NPHP4: variants seen among roughly 807,000 people sequenced by gnomAD.
The protein encoded by NPHP4 is nephrocystin 4.
NPHP4 carries 151 observed loss-of-function variants against 155.8 expected under a neutral mutation model. The observed-to-expected ratio is 0.97, with a 90% CI of 0.85 to 1.11. The LOEUF (loss-of-function observed/expected upper bound fraction) is 1.11. NPHP4 is among the 50% of genes least tolerant of loss of function. NPHP4 has a pLI of 0.00. For synonymous variants in NPHP4, 845 were observed against 816.8 expected, an observed-to-expected ratio of 1.03 and a Z score of -0.59; for missense variants, 1,956 against 1,925.7, an observed-to-expected ratio of 1.02 and a Z score of -0.29.
chr1:5,899,191 A>AC (rs1269875977), intron 16 of NPHP4, among the ~76,000 whole-genome samples: 3 of 152,144 alleles, frequency 2.0e-5, no homozygotes, highest in Non-Finnish European at 4.4e-5. Context: ...CATATCTCTA[A>AC]CACAACGGCC....
intron 10 of NPHP4, among the ~76,000 whole-genome samples, chr1:5,931,423 C>T (rs1646267505): frequency 6.8e-6 from 1 of 147,944 alleles, no homozygotes; most frequent in Non-Finnish European, 1.5e-5. Context: ...AAAAAAAGTA[C>T]TGTACCTACC....
At chr1:5,900,868 A>C (rs913975516) in intron 16 of NPHP4, among the ~76,000 whole-genome samples, 1 of 152,010 alleles carries the variant, frequency 6.6e-6, no homozygotes, top group Admixed American at 6.6e-5. Flanking sequence ...CCATCTCTAC[A>C]AAAACTACAA....
chr1:5,863,269 T>C lies in NPHP4; in HGVS notation c.4277A>G (p.Gln1426Arg). ...EEAFCVKVIY[Q>R] Reference sequence around the variant, plus strand: ...AAGGACGTCACCCTCAAGCCCTCACTGGTAGATGACCTTCACGCAAAATGC... The same window carrying C: ...AAGGACGTCACCCTCAAGCCCTCACCGGTAGATGACCTTCACGCAAAATGC... Residue 1426 changes from glutamine to arginine, a missense_variant, in exon 30 of 30, where the codon CAG (glutamine) becomes CGG (arginine). Coordinates refer to ENST00000378156, the MANE Select transcript of NPHP4 (RefSeq NM_015102.5). The C allele has an allele frequency of 6.2e-7, 1 of 1,614,058 alleles. No individual in the cohort carries two copies. The highest frequency in any genetic ancestry group is 8.5e-7 in the Non-Finnish European group (1 of 1,179,896).
chr1:5,962,197 G>A (rs1209584690), intron 5 of NPHP4, among the ~76,000 whole-genome samples: 1 of 152,072 alleles, frequency 6.6e-6, no homozygotes, highest in Admixed American at 6.6e-5. Flanking sequence ...TTTGTTTTTA[G>A]AGACAGGGTG....
At chr1:5,880,411 G>A (rs1643156504) in intron 18 of NPHP4, 172 bp from the exon 19 acceptor site, 2 of 626,258 alleles carry the variant, frequency 3.2e-6, no homozygotes, top group Admixed American at 5.7e-5. Flanking sequence ...ACAGGTGGGA[G>A]CTCGTTCTGC....
chr1:5,878,798 GCCT>G (rs1642889072), intron 19 of NPHP4, among the ~76,000 whole-genome samples: 1 of 152,156 alleles, frequency 6.6e-6, no homozygotes, highest in African/African-American at 2.4e-5. Context: ...AATAACCTCA[GCCT>G]GGCTCCTGGA....
At chr1:5,947,435 G>A (rs1041864123) in intron 8 of NPHP4, among the ~76,000 whole-genome samples, 1 of 152,320 alleles carries the variant, frequency 6.6e-6, no homozygotes, top group South Asian at 2.1e-4. Flanking sequence ...AGAGATGGGG[G>A]TCTCACTAGG....
intron 11 of NPHP4, among the ~76,000 whole-genome samples, chr1:5,913,578 TG>T (rs1217314766): frequency 6.6e-6 from 1 of 152,178 alleles, no homozygotes; most frequent in African/African-American, 2.4e-5. Context: ...AGGCAGGGCC[TG>T]CACTCTGATC....
intron 23 of NPHP4, among the ~76,000 whole-genome samples, chr1:5,869,065 G>C (rs1015988702): frequency 9.2e-6 from 1 of 108,314 alleles, no homozygotes; most frequent in African/African-American, 3.6e-5. Context: ...GCACACACAT[G>C]CATGCCCACA....
chr1:5,872,291 C>T (rs921960077), intron 23 of NPHP4, among the ~76,000 whole-genome samples: 3 of 152,236 alleles, frequency 2.0e-5, no homozygotes, highest in African/African-American at 4.8e-5. Flanking sequence ...AATGCTGCCA[C>T]GGGCTCACAA....
chr1:5,921,658 A>G (rs1055149803), intron 11 of NPHP4, among the ~76,000 whole-genome samples: 2 of 152,252 alleles, frequency 1.3e-5, no homozygotes, highest in African/African-American at 4.8e-5. Context: ...CGACAGCGTT[A>G]GCGATCGCCC....
intron 5 of NPHP4, 134 bp from the exon 6 acceptor site, chr1:5,962,083 G>A (rs947320671): frequency 1.6e-5 from 9 of 579,788 alleles, no homozygotes; most frequent in Non-Finnish European, 2.4e-5. Flanking sequence ...GTGAAGTGGT[G>A]CTCTGTTCCG....
Position 5,951,827 on chromosome 1 carries a change from T to C in NPHP4, c.810+873A>G, listed in dbSNP as rs1365416563. The stretch of plus-strand genomic sequence containing the variant: ...CCAAGACAACTTTTGCTGTCAGAGG[T>C]GACAGGAGCTCTAGAAACAACCTCC... On this transcript the variant is annotated intron_variant, in intron 7 of 29. Transcript: ENST00000378156. Among the ~76,000 whole-genome samples, 3 of 152,222 alleles carry C rather than the reference T, an allele frequency of 2.0e-5. No homozygotes were observed. In the East Asian group the frequency reaches 5.8e-4, roughly 29 times the overall value.
chr1:5,923,753 A>G (rs556752917), intron 11 of NPHP4, among the ~76,000 whole-genome samples: 36 of 152,316 alleles, frequency 2.4e-4, no homozygotes, highest in African/African-American at 8.7e-4. Context: ...GCAAGACCCA[A>G]AAGGATCTAA....
At chr1:5,914,760 A>G (rs926058142) in intron 11 of NPHP4, among the ~76,000 whole-genome samples, 24 of 152,190 alleles carry the variant, frequency 1.6e-4, no homozygotes, top group Admixed American at 1.6e-3. Flanking sequence ...CTTCATTGAG[A>G]TGTCTTCCTA....
At chr1:5,888,600 T>A in intron 17 of NPHP4, 1 of 1,351,172 alleles carries the variant, frequency 7.4e-7, no homozygotes, top group African/African-American at 1.5e-5. Context: ...TGAGAAGATA[T>A]GAGAAGTCTC....
At chr1:5,883,525 G>C (rs1396400126) in intron 18 of NPHP4, among the ~76,000 whole-genome samples, 14 of 152,200 alleles carry the variant, frequency 9.2e-5, no homozygotes, top group Non-Finnish European at 1.8e-4. Flanking sequence ...TCACGGGCTG[G>C]CAGTCCTGGC....
intron 3 of NPHP4, among the ~76,000 whole-genome samples, chr1:5,971,159 C>A (rs998334009): frequency 1.3e-5 from 2 of 152,194 alleles, no homozygotes; most frequent in Non-Finnish European, 2.9e-5. Context: ...CTACCTGAAC[C>A]GGGTGGAACC....
intron 11 of NPHP4, among the ~76,000 whole-genome samples, chr1:5,926,137 T>A (rs1365874844): frequency 6.6e-6 from 1 of 152,186 alleles, no homozygotes; most frequent in African/African-American, 2.4e-5. Context: ...AAGATGGGAT[T>A]ATTAATGTAC....
Sources: allele counts gnomAD v4.1 joint callset (sites outside exome capture counted in the v4.1 genomes callset), GRCh38; gene constraint gnomAD v4.1.1; transcripts MANE v1.5; gene names NCBI Gene and HGNC (gene_info 2026-07-23, HGNC 2026-07-21).